The following ARAP3 variants were observed in gnomAD, a reference collection of about 807,000 sequenced individuals.
ARAP3 encodes ArfGAP with RhoGAP domain, ankyrin repeat and PH domain 3.
ARAP3 carries 82 observed loss-of-function variants against 169.2 expected under a neutral mutation model. That is an observed-to-expected ratio of 0.48 (90% CI 0.41 to 0.58). ARAP3 has a LOEUF of 0.58. Among genes scored for constraint, ARAP3 ranks in the 20% least tolerant of loss-of-function variants. ARAP3 has a pLI of 0.00. For missense variants in ARAP3, 1,764 were observed against 2,018.0 expected (o/e 0.87, Z 2.41); for synonymous variants, 791 against 800.3 (o/e 0.99, Z 0.20).
chr5:141,673,132 T>G lies in ARAP3; in HGVS notation c.974A>C (p.Asp325Ala). 1 of 1,614,016 alleles carries G rather than the reference T, an allele frequency of 6.2e-7. No individual in the cohort carries two copies. The highest frequency in any genetic ancestry group is 1.1e-5 in the South Asian group (1 of 91,078). ...AGGTATCACACCCTTAGGGAAGGGG[T>G]CCTGGAGAGAGAGAGCTCAATGACC... ...RSLMYFGSDK[D>A]PFPKGVIPLT... The change falls in exon 7 of 33, where the codon GAC (aspartate) becomes GCC (alanine). Residue 325 changes from aspartate to alanine, a missense_variant and splice_region_variant. Transcript: ENST00000239440.
intron 14 of ARAP3, 42 bp downstream of exon 14, chr5:141,670,470 C>G (rs748150060): frequency 1.9e-6 from 3 of 1,584,738 alleles, no homozygotes; most frequent in Non-Finnish European, 2.6e-6. Flanking sequence ...CACCCATCCA[C>G]TTTCTGTCCC....
chr5:141,659,702 T>G (rs1331514060), intron 22 of ARAP3, 77 bp downstream of exon 22: 1 of 1,548,990 alleles, frequency 6.5e-7, no homozygotes. Context: ...CTTGTTGGGG[T>G]GATCAGGATC....
Position 141,658,376 on chromosome 5 carries a change from T to C in ARAP3, c.3515A>G (p.His1172Arg), listed in dbSNP as rs1384656298. ...GTGGTCATACTCACCCAGCTCCCCA[T>C]GCTCGCGAATCTCAAAAGTCACCCA... ...DLWVTFEIREHGELERPLHPK... is the reference protein window; with the variant it reads ...DLWVTFEIRERGELERPLHPK... The change falls in exon 25 of 33, where the codon CAT becomes CGT. Residue 1172 changes from histidine to arginine, a missense_variant. By Grantham distance (29) the His-to-Arg change is conservative. Around this residue, in one of 3 missense-constraint regions of ARAP3, gnomAD observed 1,112 missense variants for 1,285.7 expected, o/e 0.86. Transcript: ENST00000239440. The C allele has an allele frequency of 1.9e-6, 3 of 1,613,096 alleles. No homozygotes were observed. Among genetic ancestry groups the C allele is most frequent in the African/African-American group, 2.7e-5 (2 of 74,874 alleles).
rs1488480886 is a variant in ARAP3 at position 141,673,904 on chromosome 5, A to G, written c.699-96T>C. Reference sequence around the variant, plus strand: ...CATCCTACTCACATCACCTAAGAATAGAATGCCTGGCAGGTACTGGATCTG... The same window carrying G: ...CATCCTACTCACATCACCTAAGAATGGAATGCCTGGCAGGTACTGGATCTG... On this transcript the variant is annotated intron_variant, in intron 4 of 32. Transcript: ENST00000239440. The G allele has an allele frequency of 4.7e-6, 5 of 1,060,402 alleles. No individual in the cohort carries two copies. The African/African-American group carries it at 8.0e-5, about 17-fold the overall frequency. 65.7% of individuals were successfully genotyped at this position (1,060,402 alleles called of 1,614,324 possible).
intron 5 of ARAP3, 24 bp downstream of exon 5, chr5:141,673,581 C>A: frequency 6.2e-7 from 1 of 1,612,466 alleles, no homozygotes; most frequent in Non-Finnish European, 8.5e-7. Flanking sequence ...TCTTTTCTCC[C>A]TCCCTTCCCC....
chr5:141,677,652 C>T (rs768957872), intron 4 of ARAP3, among the ~76,000 whole-genome samples: 20 of 152,356 alleles, frequency 1.3e-4, no homozygotes, highest in Admixed American at 3.3e-4. Context: ...ACATAGCAAC[C>T]AGGGGGATCC....
In ARAP3 at chr5:141,671,489, C is replaced by A; in HGVS notation, c.1854+81G>T. The A allele has an allele frequency of 6.2e-7, 1 of 1,603,914 alleles. No individual in the cohort carries two copies. Among genetic ancestry groups the A allele is most frequent in the African/African-American group, 1.3e-5 (1 of 74,786 alleles). On this transcript the variant is annotated intron_variant, in intron 12 of 32. Transcript: ENST00000239440. The surrounding 1 kb of genome is among the most constrained non-coding windows in gnomAD (Gnocchi z 4.9). ...TATCATCACTAAAAACAGTCCCCAC[C>A]ACCCAAGTCTAGGCATTCCAACTCC...
Position 141,655,860 on chromosome 5 carries a change from T to A in ARAP3, c.3972+9A>T, listed in dbSNP as rs931205982. The A allele has an allele frequency of 6.2e-7, 1 of 1,613,880 alleles. No individual in the cohort carries two copies. Among genetic ancestry groups the A allele is most frequent in the African/African-American group, 1.3e-5 (1 of 74,880 alleles). On this transcript the variant is annotated intron_variant, in intron 30 of 32. Coordinates refer to ENST00000239440, the MANE Select transcript of ARAP3 (RefSeq NM_022481.6). ...CAGACCCAGCCCTCAGCCTTTTCTT[T>A]CCCCTCACCTGGGCTTTAAGGATGC... is the stretch of plus-strand genomic sequence containing the variant.
Position 141,680,399 on chromosome 5 carries a change from G to A in ARAP3, c.88C>T (p.Leu30=). 6.2e-7 allele frequency: 1 copy of A among 1,614,028 alleles called. No homozygotes were observed. The highest frequency in any genetic ancestry group is 8.5e-7 in the Non-Finnish European group (1 of 1,180,036). ...QYADTFRRHG[L]ATAGAARGLG... ...CCCCGGGCTGCACCTGCTGTAGCCA[G>A]GCCATGCCGTCGGAACGTGTCTGCA... The change falls in exon 2 of 33, where the codon CTG becomes TTG. Residue 30 remains leucine, a synonymous_variant. Transcript: ENST00000239440.
At chr5:141,656,141 G>C in intron 28 of ARAP3, 42 bp from the exon 29 acceptor site, 1 of 1,613,964 alleles carries the variant, frequency 6.2e-7, no homozygotes, top group South Asian at 1.1e-5. Context: ...AGAAAGGGCA[G>C]GGGGGTGAAG....
In ARAP3 at chr5:141,671,629, G is replaced by GGTACTTTC. The variant is rs1562419189; in HGVS notation, c.1787_1794dup (p.Arg599GlufsTer35). ...TGGGGCTTCCGGAAGAGACCCAGACGGTACTTTCGGGAGATGAACTCTCCC... is the reference window on the plus strand; with the variant it reads ...TGGGGCTTCCGGAAGAGACCCAGACGGTACTTTCGTACTTTCGGGAGATGAACTCTCCC... On this transcript the variant is annotated frameshift_variant, in exon 12 of 33. Transcript: ENST00000239440. LOFTEE classifies it high-confidence loss of function. The surrounding 1 kb of genome is among the most constrained non-coding windows in gnomAD (Gnocchi z 4.9). 1 of 1,614,114 alleles carries GGTACTTTC rather than the reference G, an allele frequency of 6.2e-7. No individual in the cohort carries two copies. The highest frequency in any genetic ancestry group is 8.5e-7 in the Non-Finnish European group (1 of 1,179,990).
At chr5:141,656,365 G>A in intron 27 of ARAP3, 89 bp from the exon 28 acceptor site, 1 of 1,594,634 alleles carries the variant, frequency 6.3e-7, no homozygotes, top group Middle Eastern at 1.7e-4. Flanking sequence ...GGGGTCTGTG[G>A]TCACAGGGTC....
At chr5:141,654,657 G>A (rs1449583755) in intron 32 of ARAP3, among the ~76,000 whole-genome samples, 4 of 151,998 alleles carry the variant, frequency 2.6e-5, no homozygotes, top group Admixed American at 2.6e-4. Context: ...TAGAGCTGGG[G>A]TTTGAACCCA....
At chr5:141,681,484 T>C (rs1174929129) in intron 1 of ARAP3, among the ~76,000 whole-genome samples, 3 of 149,818 alleles carry the variant, frequency 2.0e-5, no homozygotes, top group African/African-American at 7.6e-5. Flanking sequence ...ACCCTGACCC[T>C]GGTCTATTTC....
chr5:141,661,772 G>C lies in ARAP3; in HGVS notation c.3031C>G (p.Gln1011Glu), dbSNP rs1302169131. 2 of 1,614,104 alleles carry C rather than the reference G, an allele frequency of 1.2e-6. No individual in the cohort carries two copies. Among genetic ancestry groups the C allele is most frequent in the Non-Finnish European group, 1.7e-6 (2 of 1,180,046 alleles). Residue 1011 changes from glutamine to glutamate, a missense_variant, in exon 21 of 33, where the codon CAG (glutamine) becomes GAG (glutamate). Physicochemically the swap from Gln to Glu is conservative, Grantham distance 29. Transcript: ENST00000239440. ...REAAELPQKN[Q>E]RLEKYKDVIG... is the part of the protein sequence containing the mutation. Reference sequence around the variant, plus strand: ...ACATCTTTATATTTCTCCAGGCGCTGATTCTTCTGGGGCAGCTCTGGGGAT... The same window carrying C: ...ACATCTTTATATTTCTCCAGGCGCTCATTCTTCTGGGGCAGCTCTGGGGAT...
chr5:141,655,434 A>G (rs2099909154), intron 31 of ARAP3, 34 bp from the exon 32 acceptor site: 1 of 1,584,474 alleles, frequency 6.3e-7, no homozygotes, highest in East Asian at 2.3e-5. Context: ...AAGGGGAAGG[A>G]AAGACATAAA....
chr5:141,661,986 G>C, intron 20 of ARAP3, 57 bp downstream of exon 20: 1 of 1,601,716 alleles, frequency 6.2e-7, no homozygotes, highest in Non-Finnish European at 8.6e-7. Context: ...CATGGATTCT[G>C]GTGGGGGAAG....
rs1371716970 is a variant in ARAP3 at position 141,671,544 on chromosome 5, G to T, written c.1854+26C>A. On this transcript the variant is annotated intron_variant, in intron 12 of 32. Transcript: ENST00000239440. This position sits in a 1 kb window ranked among gnomAD's most constrained non-coding sequence, Gnocchi z 4.9. Reference sequence around the variant, plus strand: ...AGTGTTTCCTGACCCCCCCACCCCAGATCACCCCTGCTCTGTCCCTCCTAC... The same window carrying T: ...AGTGTTTCCTGACCCCCCCACCCCATATCACCCCTGCTCTGTCCCTCCTAC... The T allele has an allele frequency of 6.2e-7, 1 of 1,612,916 alleles. No individual in the cohort carries two copies. The highest frequency in any genetic ancestry group is 8.5e-7 in the Non-Finnish European group (1 of 1,179,600).
At chr5:141,666,718 G>A (rs1197076280) in intron 16 of ARAP3, 75 bp from the exon 17 acceptor site, 3 of 721,992 alleles carry the variant, frequency 4.2e-6, no homozygotes, top group African/African-American at 1.8e-5. Flanking sequence ...AAATGAGAGT[G>A]ACCGGGGTAG....
Sources: gnomAD v4.1 joint callset for allele counts (sites outside exome capture counted in the v4.1 genomes callset) on GRCh38, gnomAD v4.1.1 for gene constraint, gnomAD v4.1.1 regional missense constraint, Gnocchi (gnomAD v3.1) non-coding constraint, MANE v1.5 for transcripts, NCBI Gene and HGNC (gene_info 2026-07-23, HGNC 2026-07-21) for gene names.